Variants in TRIM35 observed in about 807,000 individuals in gnomAD.
TRIM35 encodes the protein E3 ubiquitin-protein ligase TRIM35.
In TRIM35, 37 loss-of-function variants were observed where a neutral mutation model predicts 49.1. The observed-to-expected ratio is 0.75, with a 90% CI of 0.58 to 0.99. The LOEUF (loss-of-function observed/expected upper bound fraction) is 0.99, where lower values mean the gene tolerates loss of function less well. Ranked by LOEUF, TRIM35 falls within the 50% of genes least tolerant of loss-of-function variation. TRIM35 has a pLI of 0.00. For synonymous variants in TRIM35, 302 were observed against 289.3 expected (o/e 1.04, Z -0.45); for missense variants, 648 against 702.7 (o/e 0.92, Z 0.88).
rs1802282046 is a variant in TRIM35, at chr8:27,284,988, C to T, written c.*2562G>A. The T allele has an allele frequency of 6.6e-6, 1 of 152,050 alleles. No individual in the cohort carries two copies. The highest frequency in any genetic ancestry group is 2.4e-5 in the African/African-American group (1 of 41,394). The allele number at this position is 152,050 out of a possible 1,614,324, so 9.4% of individuals were successfully genotyped here. A position where few individuals can be genotyped will look rare whatever the true frequency, so the allele number is the denominator to read the frequency against. ...ATATACCAGTTAAAGGGACTTGTGCCAGGCTATAAAAGGACTCTTACAACT... is the reference window on the plus strand; with the variant it reads ...ATATACCAGTTAAAGGGACTTGTGCTAGGCTATAAAAGGACTCTTACAACT... On this transcript the variant is annotated 3_prime_UTR_variant, in exon 6 of 6. Coordinates refer to ENST00000305364, the MANE Select transcript of TRIM35 (RefSeq NM_171982.5).
rs994386097 is a variant in TRIM35, at chr8:27,296,410, G to A, written c.531+2054C>T. 1.1e-3 allele frequency among the ~76,000 whole-genome samples: 166 copies of A among 152,286 alleles called. 2 individuals carry two copies. Among genetic ancestry groups the A allele is most frequent in the African/African-American group, 3.5e-3 (145 of 41,556 alleles). Reference sequence around the variant, plus strand: ...CAAGGTCAACTCCTGCCCACTCACCGTGGGCAATGACGGCCTCACTGTAAA... The same window carrying A: ...CAAGGTCAACTCCTGCCCACTCACCATGGGCAATGACGGCCTCACTGTAAA... On this transcript the variant is annotated intron_variant, in intron 2 of 5. Transcript: ENST00000305364.
Position 27,286,591 on chromosome 8 carries a change from T to C in TRIM35, c.*959A>G, listed in dbSNP as rs1802325754. 1 of 207,318 alleles carries C rather than the reference T, an allele frequency of 4.8e-6. No individual in the cohort carries two copies. Among genetic ancestry groups the C allele is most frequent in the Admixed American group, 5.4e-5 (1 of 18,578 alleles). 12.8% of individuals were successfully genotyped at this position (207,318 alleles called of 1,614,324 possible). A position where few individuals can be genotyped will look rare whatever the true frequency, so the allele number is the denominator to read the frequency against. Reference sequence around the variant, plus strand: ...GCCGAAATCACGATTTAAAAAATGTTGTGTTTAAGTACTCTGGAACCCTGT... The same window carrying C: ...GCCGAAATCACGATTTAAAAAATGTCGTGTTTAAGTACTCTGGAACCCTGT... On this transcript the variant is annotated 3_prime_UTR_variant, in exon 6 of 6. Transcript: ENST00000305364.
chr8:27,298,752 T>C (rs1386440864), intron 1 of TRIM35, among the ~76,000 whole-genome samples, 193 bp from the exon 2 acceptor site: 1 of 152,222 alleles, frequency 6.6e-6, no homozygotes, highest in Non-Finnish European at 1.5e-5. Flanking sequence ...GAATCAGACA[T>C]CCATGGGATA....
chr8:27,301,912 A>G (rs746758930), intron 1 of TRIM35, among the ~76,000 whole-genome samples: 1 of 152,174 alleles, frequency 6.6e-6, no homozygotes, highest in Non-Finnish European at 1.5e-5. Context: ...TCATTGTCTC[A>G]GCACCATTAT....
chr8:27,301,687 G>C (rs974671946), intron 1 of TRIM35, among the ~76,000 whole-genome samples: 3 of 152,026 alleles, frequency 2.0e-5, no homozygotes, highest in African/African-American at 7.2e-5. Flanking sequence ...AAATTTATTA[G>C]TCTTTTCCTT....
rs1450197807 is a variant in TRIM35 at position 27,287,489 on chromosome 8, T to C, written c.*61A>G. ...AATAGTGCCCAAGCAGTGTGGGCAT[T>C]AGGAAGAGGGCAGAAAGAAAACAGT... On this transcript the variant is annotated 3_prime_UTR_variant, in exon 6 of 6. Coordinates refer to ENST00000305364, the MANE Select transcript of TRIM35 (RefSeq NM_171982.5). The surrounding 1 kb of genome is among the most constrained non-coding windows in gnomAD (Gnocchi z 6.0). 6 of 1,470,484 alleles carry C rather than the reference T, an allele frequency of 4.1e-6. No homozygotes were observed. Among genetic ancestry groups the C allele is most frequent in the Non-Finnish European group, 5.4e-6 (6 of 1,103,216 alleles). The allele number at this position is 1,470,484 out of a possible 1,614,324, so 91.1% of individuals were successfully genotyped here. A position where few individuals can be genotyped will look rare whatever the true frequency, so the allele number is the denominator to read the frequency against.
chr8:27,289,745 GAC>G (rs1210638668), intron 4 of TRIM35, among the ~76,000 whole-genome samples: 2 of 152,246 alleles, frequency 1.3e-5, no homozygotes, highest in East Asian at 3.9e-4. Context: ...CTCTGACTGG[GAC>G]ACAGCTCTTC....
intron 2 of TRIM35, among the ~76,000 whole-genome samples, chr8:27,295,054 C>T (rs1802537981): frequency 6.6e-6 from 1 of 152,186 alleles, no homozygotes; most frequent in South Asian, 2.1e-4. Flanking sequence ...AAACTCCTGA[C>T]TTAAGGTGAT....
chr8:27,291,106 C>T (rs1224178464), intron 3 of TRIM35, among the ~76,000 whole-genome samples: 1 of 136,594 alleles, frequency 7.3e-6, no homozygotes, highest in Non-Finnish European at 1.6e-5. Context: ...CCTTACTATA[C>T]CATATACAAA....
intron 1 of TRIM35, among the ~76,000 whole-genome samples, chr8:27,299,962 T>C (rs1341446388): frequency 2.6e-5 from 4 of 152,194 alleles, no homozygotes; most frequent in Non-Finnish European, 5.9e-5. Flanking sequence ...ACCAAAAGAA[T>C]GTGGCAAGTG....
chr8:27,286,073 G>T lies in TRIM35; in HGVS notation c.*1477C>A, dbSNP rs1271155363. ...AAAATGTCAGCTTTTGTGAACTGAA[G>T]GGGATGGGCAGAAGGCAGGATGCTG... On this transcript the variant is annotated 3_prime_UTR_variant, in exon 6 of 6. Coordinates refer to ENST00000305364, the MANE Select transcript of TRIM35 (RefSeq NM_171982.5). 2.2e-6 allele frequency: 1 copy of T among 455,960 alleles called. No homozygotes were observed. Among genetic ancestry groups the T allele is most frequent in the Non-Finnish European group, 4.4e-6 (1 of 226,902 alleles). The allele number at this position is 455,960 out of a possible 1,614,324, so 28.2% of individuals were successfully genotyped here.
chr8:27,293,468 A>C (rs1802496776), intron 3 of TRIM35, among the ~76,000 whole-genome samples: 1 of 152,220 alleles, frequency 6.6e-6, no homozygotes, highest in Admixed American at 6.5e-5. Flanking sequence ...TAATTGAATG[A>C]TTTTAAAAGA....
Position 27,311,197 on chromosome 8 carries a change from G to C in TRIM35, c.39C>G (p.Arg13=). The C allele has an allele frequency of 6.3e-7, 1 of 1,598,016 alleles. No individual in the cohort carries two copies. The highest frequency in any genetic ancestry group is 2.3e-5 in the East Asian group (1 of 44,330). The stretch of plus-strand genomic sequence containing the variant: ...CGCAGAGCAACTCCTCCTTGAAGGA[G>C]CGGGAAGGCCCGGGGGACACGTCGG... ...RSPDVSPGPS[R]SFKEELLCAV... The change falls in exon 1 of 6, where the codon CGC becomes CGG. Residue 13 remains arginine, a synonymous_variant. Transcript: ENST00000305364.
intron 1 of TRIM35, among the ~76,000 whole-genome samples, chr8:27,306,418 C>T (rs1275211053): frequency 1.3e-5 from 2 of 150,534 alleles, no homozygotes; most frequent in African/African-American, 2.5e-5. Context: ...CTCCATCTCC[C>T]GGGTTTAAGC....
intron 1 of TRIM35, among the ~76,000 whole-genome samples, chr8:27,309,367 TG>T (rs2130329470): frequency 6.6e-6 from 1 of 152,322 alleles, no homozygotes; most frequent in East Asian, 1.9e-4. Flanking sequence ...CATGGACCCA[TG>T]TTAAACAAAA....
At chr8:27,290,661 T>C (rs545656911) in intron 3 of TRIM35, among the ~76,000 whole-genome samples, 5 of 152,342 alleles carry the variant, frequency 3.3e-5, no homozygotes, top group East Asian at 3.9e-4. Context: ...TGATATTCTG[T>C]CATAGCAACA....
At chr8:27,303,953 C>T (rs1802730847) in intron 1 of TRIM35, among the ~76,000 whole-genome samples, 1 of 152,176 alleles carries the variant, frequency 6.6e-6, no homozygotes, top group African/African-American at 2.4e-5. Context: ...CTCGGCATCC[C>T]AAAATGCTGG....
In TRIM35 at chr8:27,311,111, C is replaced by A; in HGVS notation, c.125G>T (p.Arg42Leu). Residue 42 changes from arginine to leucine, a missense_variant, in exon 1 of 6, where the codon CGC (arginine) becomes CTC (leucine). Transcript: ENST00000305364. ...VTLRCGHNFC[R>L]GCVSRCWEVQ... ...CTCCCAGCAGCGGCTCACGCACCCG[C>A]GGCAGAAGTTGTGGCCGCAGCGCAG... is the stretch of plus-strand genomic sequence containing the variant. The A allele has an allele frequency of 1.9e-6, 3 of 1,599,752 alleles. No individual in the cohort carries two copies. The highest frequency in any genetic ancestry group is 1.3e-5 in the African/African-American group (1 of 74,954).
chr8:27,311,263 G>A lies in TRIM35; in HGVS notation c.-28C>T. On this transcript the variant is annotated 5_prime_UTR_variant, in exon 1 of 6. Transcript: ENST00000305364. ...CACGAGCAGCCGGCTCGGGCGCCCGGAACTTTTGCTCCGGCCCCTCCCACC... is the reference window on the plus strand; with the variant it reads ...CACGAGCAGCCGGCTCGGGCGCCCGAAACTTTTGCTCCGGCCCCTCCCACC... The A allele has an allele frequency of 3.4e-6, 5 of 1,476,084 alleles. No homozygotes were observed. Among genetic ancestry groups the A allele is most frequent in the Non-Finnish European group, 4.5e-6 (5 of 1,110,922 alleles). 91.4% of individuals were successfully genotyped at this position (1,476,084 alleles called of 1,614,324 possible). A position where few individuals can be genotyped will look rare whatever the true frequency, so the allele number is the denominator to read the frequency against.
Sources: gnomAD v4.1 joint callset for allele counts (sites outside exome capture counted in the v4.1 genomes callset) on GRCh38, gnomAD v4.1.1 for gene constraint, Gnocchi (gnomAD v3.1) non-coding constraint, MANE v1.5 for transcripts, NCBI Gene and HGNC (gene_info 2026-07-23, HGNC 2026-07-21) for gene names.